FAP: variants seen among roughly 807,000 people sequenced by gnomAD.
FAP encodes the protein prolyl endopeptidase FAP.
FAP carries 110 observed loss-of-function variants against 126.5 expected under a neutral mutation model. The observed-to-expected ratio is 0.87, with a 90% CI of 0.74 to 1.02. The LOEUF (loss-of-function observed/expected upper bound fraction) is 1.02. Among genes scored for constraint, FAP ranks in the 50% least tolerant of loss-of-function variants. The probability of loss-of-function intolerance (pLI) is 0.00; values close to 1 mark genes in which losing one functional copy is unlikely to be tolerated. For synonymous variants in FAP, 334 were observed against 297.3 expected (o/e 1.12, Z -1.27); for missense variants, 919 against 909.2 (o/e 1.01, Z -0.14).
chr2:162,200,067 G>A (rs1046785854), intron 15 of FAP, among the ~76,000 whole-genome samples: 1 of 152,272 alleles, frequency 6.6e-6, no homozygotes, highest in Non-Finnish European at 1.5e-5. Flanking sequence ...AGTAACTATT[G>A]CTTTCCTTTC....
rs775739596 is a variant in FAP, at chr2:162,173,179, C to G, written c.2077G>C (p.Asp693His). The G allele has an allele frequency of 6.2e-7, 1 of 1,613,132 alleles. No homozygotes were observed. The highest frequency in any genetic ancestry group is 1.1e-5 in the South Asian group (1 of 91,044). ...MARAEYFRNVDYLLIHGTADD... is the reference protein window; with the variant it reads ...MARAEYFRNVHYLLIHGTADD... ...GCTGTTCCGTGGATGAGAAGATAGT[C>G]TACATTTCTGAAATATTCTGCTCTT... The change falls in exon 24 of 26, where the codon GAC becomes CAC. Residue 693 changes from aspartate (D) to histidine (H), a missense_variant. Physicochemically the swap from Asp to His is moderately conservative, Grantham distance 81. Transcript: ENST00000188790.
chr2:162,241,894 A>G (rs1690366508), intron 2 of FAP, among the ~76,000 whole-genome samples: 1 of 152,186 alleles, frequency 6.6e-6, no homozygotes, highest in South Asian at 2.1e-4. Context: ...TAATTCTGTG[A>G]AAATCTCATG....
intron 18 of FAP, among the ~76,000 whole-genome samples, chr2:162,189,376 G>A (rs995101868): frequency 2.6e-5 from 4 of 151,814 alleles, no homozygotes; most frequent in African/African-American, 9.7e-5. Flanking sequence ...ATTTGTTCTA[G>A]AAGGATACAT....
chr2:162,192,163 A>T (rs370943262), intron 17 of FAP, among the ~76,000 whole-genome samples: 20 of 152,108 alleles, frequency 1.3e-4, no homozygotes, highest in African/African-American at 4.6e-4. Flanking sequence ...CCCTCTTCTC[A>T]TCACACTCAG....
chr2:162,236,715 A>G (rs1327643848), intron 2 of FAP, among the ~76,000 whole-genome samples: 1 of 152,104 alleles, frequency 6.6e-6, no homozygotes, highest in Admixed American at 6.5e-5. Flanking sequence ...GATTCAGGCA[A>G]TTCTGCCTCA....
chr2:162,235,082 G>A (rs1290290798), intron 2 of FAP, among the ~76,000 whole-genome samples: 1 of 152,058 alleles, frequency 6.6e-6, no homozygotes, highest in Non-Finnish European at 1.5e-5. Context: ...TCCCTGCGGG[G>A]CAGGGCTCGG....
intron 17 of FAP, among the ~76,000 whole-genome samples, chr2:162,190,942 A>G (rs552047805): frequency 6.6e-6 from 1 of 152,302 alleles, no homozygotes; most frequent in South Asian, 2.1e-4. Context: ...TATAAGATAC[A>G]TAATGAATTT....
intron 2 of FAP, among the ~76,000 whole-genome samples, chr2:162,236,389 A>T (rs1183348410): frequency 6.6e-6 from 1 of 151,008 alleles, no homozygotes; most frequent in Non-Finnish European, 1.5e-5. Context: ...ATTCTTCTTT[A>T]AGTGTTTGGT....
intron 10 of FAP, 87 bp from the exon 11 acceptor site, chr2:162,214,160 T>A: frequency 7.9e-7 from 1 of 1,270,670 alleles, no homozygotes; most frequent in Non-Finnish European, 1.1e-6. Flanking sequence ...CTAAAGGATA[T>A]ATGTCATTAT....
intron 2 of FAP, among the ~76,000 whole-genome samples, chr2:162,242,185 A>G (rs116269467): frequency 0.016 from 2,431 of 152,248 alleles, 61 homozygotes; most frequent in African/African-American, 0.056. Flanking sequence ...ATATTTTCAT[A>G]AAAAGCTATT....
intron 14 of FAP, among the ~76,000 whole-genome samples, chr2:162,201,716 T>C (rs1174049336): frequency 2.6e-5 from 4 of 152,196 alleles, no homozygotes; most frequent in African/African-American, 4.8e-5. Context: ...ATTTAGAGAA[T>C]GTGTATTGAA....
At chr2:162,218,603 A>AG (rs1689256189) in intron 8 of FAP, among the ~76,000 whole-genome samples, 1 of 151,496 alleles carries the variant, frequency 6.6e-6, no homozygotes, top group African/African-American at 2.4e-5. Context: ...ATAGATAGAT[A>AG]AATAGATAGA....
intron 2 of FAP, among the ~76,000 whole-genome samples, chr2:162,240,660 A>C (rs1159134892): frequency 6.6e-6 from 1 of 152,214 alleles, no homozygotes; most frequent in South Asian, 2.1e-4. Flanking sequence ...TCTCAGAAGA[A>C]GACAGTTCAT....
intron 3 of FAP, among the ~76,000 whole-genome samples, chr2:162,226,009 A>C: frequency 6.6e-6 from 1 of 152,196 alleles, no homozygotes; most frequent in East Asian, 1.9e-4. Flanking sequence ...AGTGACACTT[A>C]AGATACTCAA....
chr2:162,197,161 A>G (rs1203653664), intron 16 of FAP, among the ~76,000 whole-genome samples: 1 of 152,228 alleles, frequency 6.6e-6, no homozygotes, highest in Non-Finnish European at 1.5e-5. Context: ...CATCAGCATA[A>G]AACCAGCTTT....
intron 2 of FAP, among the ~76,000 whole-genome samples, chr2:162,232,549 G>C (rs996111573): frequency 6.6e-5 from 10 of 152,168 alleles, no homozygotes; most frequent in Non-Finnish European, 2.9e-5. Context: ...GGCAATTTGA[G>C]CTTTTTCAAA....
At chr2:162,228,400 G>A (rs1271502077) in intron 2 of FAP, among the ~76,000 whole-genome samples, 1 of 152,116 alleles carries the variant, frequency 6.6e-6, no homozygotes, top group Non-Finnish European at 1.5e-5. Flanking sequence ...GTTCTGCTAT[G>A]TATGTAGTAA....
At chr2:162,211,308 A>G (rs1182226440) in intron 11 of FAP, among the ~76,000 whole-genome samples, 1 of 151,736 alleles carries the variant, frequency 6.6e-6, no homozygotes, top group Non-Finnish European at 1.5e-5. Flanking sequence ...CCATTCCCCA[A>G]CCCCCACCAT....
chr2:162,220,378 G>T (rs1329498977), intron 6 of FAP, among the ~76,000 whole-genome samples: 3 of 152,198 alleles, frequency 2.0e-5, no homozygotes, highest in African/African-American at 7.2e-5. Flanking sequence ...GCACACACTA[G>T]ACTGAAATGG....
Sources: allele counts gnomAD v4.1 joint callset (sites outside exome capture counted in the v4.1 genomes callset), GRCh38; gene constraint gnomAD v4.1.1; transcripts MANE v1.5; gene names NCBI Gene and HGNC (gene_info 2026-07-23, HGNC 2026-07-21).